Variants in LRRC4C observed in about 807,000 individuals in gnomAD.
The protein encoded by LRRC4C is leucine rich repeat containing 4C.
Under a neutral mutation model 33.6 loss-of-function variants are expected in LRRC4C, and 5 were observed. That is an observed-to-expected ratio of 0.15 (90% CI 0.08 to 0.31). The LOEUF (loss-of-function observed/expected upper bound fraction) is 0.31, where lower values mean the gene tolerates loss of function less well. Among genes scored for constraint, LRRC4C ranks in the 10% least tolerant of loss-of-function variants. The pLI is 1.00. For synonymous variants in LRRC4C, 329 were observed against 302.0 expected, an observed-to-expected ratio of 1.09 and a Z score of -0.93; for missense variants, 560 against 796.7, an observed-to-expected ratio of 0.70 and a Z score of 3.58.
intron 3 of LRRC4C, among the ~76,000 whole-genome samples, chr11:40,462,905 A>G (rs1411794083): frequency 1.3e-5 from 2 of 152,088 alleles, no homozygotes; most frequent in African/African-American, 4.8e-5. Flanking sequence ...TGGATGAAGA[A>G]TCTACTCAAA....
chr11:40,574,417 A>C (rs1343143110), intron 3 of LRRC4C, among the ~76,000 whole-genome samples: 2 of 152,188 alleles, frequency 1.3e-5, no homozygotes, highest in African/African-American at 4.8e-5. Flanking sequence ...TTGCACAGAG[A>C]ACCAATGTTT....
intron 3 of LRRC4C, among the ~76,000 whole-genome samples, chr11:40,590,187 T>C (rs1309304980): frequency 6.6e-6 from 1 of 151,916 alleles, no homozygotes; most frequent in East Asian, 1.9e-4. Context: ...CTTTTTATTC[T>C]TTTTTCTCTA....
At chr11:40,243,751 G>A (rs565508039) in intron 4 of LRRC4C, among the ~76,000 whole-genome samples, 14 of 143,314 alleles carry the variant, frequency 9.8e-5, no homozygotes, top group East Asian at 4.0e-4. Flanking sequence ...GTGCAATGGC[G>A]TGAACTTGGC....
intron 1 of LRRC4C, among the ~76,000 whole-genome samples, chr11:41,319,441 T>C (rs1208007369): frequency 1.3e-5 from 2 of 152,226 alleles, no homozygotes; most frequent in African/African-American, 2.4e-5. Context: ...CTTTCCAGAA[T>C]GAGACAACAA....
chr11:41,425,015 G>T (rs1389539885), intron 1 of LRRC4C, among the ~76,000 whole-genome samples: 1 of 151,994 alleles, frequency 6.6e-6, no homozygotes, highest in Non-Finnish European at 1.5e-5. Flanking sequence ...AAATGTACAA[G>T]ATTTTTTAAA....
At chr11:41,017,799 A>G (rs1855696400) in intron 1 of LRRC4C, among the ~76,000 whole-genome samples, 1 of 150,160 alleles carries the variant, frequency 6.7e-6, no homozygotes, top group South Asian at 2.1e-4. Context: ...ATTTGGGTAT[A>G]TATAATATAT....
chr11:40,386,936 A>G (rs1949134681), intron 3 of LRRC4C, among the ~76,000 whole-genome samples: 1 of 152,128 alleles, frequency 6.6e-6, no homozygotes, highest in African/African-American at 2.4e-5. Flanking sequence ...GAACTTCTCT[A>G]TATTATTATA....
rs11035861 is a variant in LRRC4C, at chr11:40,484,113, G to A, written c.-270+164029C>T. The stretch of plus-strand genomic sequence containing the variant: ...AAAGGGCTATTCTCATTTATACCTG[G>A]TAGAAGTAAAAAATGTACTAATCTA... On this transcript the variant is annotated intron_variant, in intron 3 of 6. Coordinates refer to ENST00000528697, the MANE Select transcript of LRRC4C (RefSeq NM_001258419.2). Among the ~76,000 whole-genome samples, 273 of 152,174 alleles carry A rather than the reference G, an allele frequency of 1.8e-3. 2 individuals carry two copies. Among genetic ancestry groups the A allele is most frequent in the Non-Finnish European group, 3.0e-3 (203 of 67,992 alleles).
chr11:40,543,557 G>T (rs1450745482), intron 3 of LRRC4C, among the ~76,000 whole-genome samples: 2 of 152,078 alleles, frequency 1.3e-5, no homozygotes, highest in African/African-American at 4.8e-5. Flanking sequence ...CCTGAATAAA[G>T]GGGGTCGTAG....
At chr11:40,363,544 T>C (rs1948065330) in intron 3 of LRRC4C, among the ~76,000 whole-genome samples, 1 of 151,918 alleles carries the variant, frequency 6.6e-6, no homozygotes, top group Admixed American at 6.6e-5. Flanking sequence ...AATCTGCACA[T>C]GAACCCAGAA....
chr11:41,416,062 G>A (rs1424365641), intron 1 of LRRC4C, among the ~76,000 whole-genome samples: 3 of 151,986 alleles, frequency 2.0e-5, no homozygotes, highest in Non-Finnish European at 4.4e-5. Context: ...TTTGGGGAAG[G>A]AGATAGGAAG....
chr11:40,588,967 G>T (rs1958901033), intron 3 of LRRC4C, among the ~76,000 whole-genome samples: 4 of 152,130 alleles, frequency 2.6e-5, no homozygotes, highest in Admixed American at 2.0e-4. Context: ...ATTTGGGGTG[G>T]AGAGTTCTGT....
chr11:41,068,914 A>G (rs1190901974), intron 1 of LRRC4C, among the ~76,000 whole-genome samples: 2 of 152,220 alleles, frequency 1.3e-5, no homozygotes, highest in African/African-American at 2.4e-5. Context: ...TCCCTAACTC[A>G]TTATATGAGG....
At chr11:41,040,123 G>T (rs1250128586) in intron 1 of LRRC4C, among the ~76,000 whole-genome samples, 1 of 132,404 alleles carries the variant, frequency 7.6e-6, no homozygotes, top group Non-Finnish European at 1.6e-5. Context: ...GGGCAACAGA[G>T]TGAGACTCTG....
intron 1 of LRRC4C, among the ~76,000 whole-genome samples, chr11:41,407,403 G>A (rs1261058965): frequency 2.6e-5 from 4 of 150,954 alleles, no homozygotes; most frequent in African/African-American, 9.8e-5. Flanking sequence ...CCAGGCTTGA[G>A]CAATCCTCCC....
chr11:40,210,066 A>T (rs1863469531), intron 5 of LRRC4C, among the ~76,000 whole-genome samples: 1 of 152,186 alleles, frequency 6.6e-6, no homozygotes, highest in African/African-American at 2.4e-5. Flanking sequence ...AAGAATGAAG[A>T]CAAATAAACT....
intron 1 of LRRC4C, among the ~76,000 whole-genome samples, chr11:41,281,872 A>G (rs1949688184): frequency 6.6e-6 from 1 of 152,248 alleles, no homozygotes; most frequent in South Asian, 2.1e-4. Flanking sequence ...CCCAAATGCA[A>G]TAAATATGAA....
intron 1 of LRRC4C, among the ~76,000 whole-genome samples, chr11:41,371,502 G>A (rs1952745245): frequency 6.6e-6 from 1 of 152,140 alleles, no homozygotes; most frequent in Non-Finnish European, 1.5e-5. Flanking sequence ...CTTCATCTCA[G>A]TTGTGGGACA....
intron 1 of LRRC4C, among the ~76,000 whole-genome samples, chr11:41,002,587 A>C (rs1036285329): frequency 7.9e-5 from 12 of 152,188 alleles, no homozygotes; most frequent in African/African-American, 2.4e-4. Context: ...GCTAAAAATC[A>C]CCAAATTAAG....
Sources: allele counts gnomAD v4.1 joint callset (sites outside exome capture counted in the v4.1 genomes callset), GRCh38; gene constraint gnomAD v4.1.1; transcripts MANE v1.5; gene names NCBI Gene and HGNC (gene_info 2026-07-23, HGNC 2026-07-21).